The following PTBP3 variants were observed in gnomAD, a reference collection of about 807,000 sequenced individuals.
PTBP3 encodes polypyrimidine tract binding protein 3.
In PTBP3, 20 loss-of-function variants were observed where a neutral mutation model predicts 58.7. That is an observed-to-expected ratio of 0.34 (90% confidence interval 0.24 to 0.50). The LOEUF (loss-of-function observed/expected upper bound fraction) is 0.50. Ranked by LOEUF, PTBP3 falls within the 20% of genes least tolerant of loss-of-function variation. The pLI is 0.98. For missense variants in PTBP3, 509 were observed against 637.2 expected, an observed-to-expected ratio of 0.80 and a Z score of 2.17; for synonymous variants, 185 against 219.8, an observed-to-expected ratio of 0.84 and a Z score of 1.40.
chr9:112,329,348 G>A (rs1272978682), intron 1 of PTBP3, among the ~76,000 whole-genome samples: 1 of 152,236 alleles, frequency 6.6e-6, no homozygotes, highest in East Asian at 1.9e-4. Flanking sequence ...CTTTGAAGGT[G>A]GAGGTTGTAG....
intron 1 of PTBP3, among the ~76,000 whole-genome samples, chr9:112,312,772 A>G (rs1829544389): frequency 6.6e-6 from 1 of 152,186 alleles, no homozygotes; most frequent in Admixed American, 6.5e-5. Context: ...GGCCGGGCAC[A>G]GTGGCTCATG....
At chr9:112,251,964 C>T (rs754875612) in intron 6 of PTBP3, among the ~76,000 whole-genome samples, 6 of 152,054 alleles carry the variant, frequency 3.9e-5, no homozygotes, top group Non-Finnish European at 5.9e-5. Context: ...AGCCATAGTC[C>T]TCATCTTTGA....
At chr9:112,304,491 TATA>T in intron 1 of PTBP3, among the ~76,000 whole-genome samples, 1 of 152,358 alleles carries the variant, frequency 6.6e-6, no homozygotes, top group Middle Eastern at 3.4e-3. Context: ...TTTACAAAGT[TATA>T]ATATGAATCT....
chr9:112,293,746 A>T (rs1181273737), intron 2 of PTBP3, among the ~76,000 whole-genome samples: 1 of 152,228 alleles, frequency 6.6e-6, no homozygotes, highest in Non-Finnish European at 1.5e-5. Flanking sequence ...GAAAAAGTTC[A>T]GCTTCAACTG....
chr9:112,245,357 C>T (rs775959170), intron 7 of PTBP3, among the ~76,000 whole-genome samples: 5 of 151,548 alleles, frequency 3.3e-5, no homozygotes, highest in Admixed American at 6.6e-5. Flanking sequence ...TTTGCAATTC[C>T]GAAACCACTT....
intron 1 of PTBP3, among the ~76,000 whole-genome samples, chr9:112,301,695 T>C (rs1035086483): frequency 1.3e-5 from 2 of 152,140 alleles, no homozygotes; most frequent in African/African-American, 2.4e-5. Context: ...ATGGTAGTTA[T>C]GTGAATCTAC....
At chr9:112,338,592 G>GA (rs2132517272), upstream of PTBP3, among the ~76,000 whole-genome samples, 1 of 152,294 alleles carries the variant, frequency 6.6e-6, no homozygotes, top group South Asian at 2.1e-4. Context: ...AATGGCATGT[G>GA]AGTATAATTT....
At chr9:112,339,895 T>A in the PTBP3 span, among the ~76,000 whole-genome samples, 1 of 152,176 alleles carries the variant, frequency 6.6e-6, no homozygotes, top group Non-Finnish European at 1.5e-5. Context: ...ATGATATAAA[T>A]TTCTATCAGG....
chr9:112,286,019 G>A (rs1320781769), intron 2 of PTBP3, among the ~76,000 whole-genome samples: 4 of 152,142 alleles, frequency 2.6e-5, no homozygotes, highest in African/African-American at 9.7e-5. Flanking sequence ...TTTAGATTAT[G>A]TCTACTCAAT....
chr9:112,317,936 C>T (rs531472061), intron 1 of PTBP3, among the ~76,000 whole-genome samples: 2 of 152,140 alleles, frequency 1.3e-5, no homozygotes, highest in Non-Finnish European at 2.9e-5. Context: ...GAGCTAGACT[C>T]AAAAACAACA....
the PTBP3 span, among the ~76,000 whole-genome samples, chr9:112,366,222 GCA>G: frequency 6.6e-6 from 1 of 151,884 alleles, no homozygotes; most frequent in African/African-American, 2.4e-5. Flanking sequence ...AGCGGAGATT[GCA>G]GTGAGCCAAG....
In PTBP3 at chr9:112,321,919, A is replaced by G. The variant is rs545291198; in HGVS notation, c.-52+11551T>C. 7.9e-5 allele frequency among the ~76,000 whole-genome samples: 12 copies of G among 152,230 alleles called. No individual in the cohort carries two copies. In the East Asian group the frequency reaches 1.5e-3, roughly 20 times the overall value. On this transcript the variant is annotated intron_variant, in intron 1 of 13. Coordinates refer to ENST00000374257, the MANE Select transcript of PTBP3 (RefSeq NM_001163788.4). ...GGGAGGCCAAGGCGGGCGGATCACA[A>G]GGCCAGGAGATCAAGACCATCCTGG...
chr9:112,351,150 C>T, the PTBP3 span, among the ~76,000 whole-genome samples: 1 of 152,056 alleles, frequency 6.6e-6, no homozygotes, highest in Non-Finnish European at 1.5e-5. Flanking sequence ...TCATTTTTAC[C>T]TAGTATTATA....
At chr9:112,348,655 T>C in the PTBP3 span, among the ~76,000 whole-genome samples, 1 of 152,222 alleles carries the variant, frequency 6.6e-6, no homozygotes, top group Non-Finnish European at 1.5e-5. Context: ...ATCATACACC[T>C]GAATCTCTCA....
chr9:112,375,068 C>T, the PTBP3 span, among the ~76,000 whole-genome samples: 2 of 152,206 alleles, frequency 1.3e-5, no homozygotes, highest in African/African-American at 2.4e-5. Flanking sequence ...TTCACGGGTC[C>T]ACTGGATGAT....
chr9:112,258,837 C>G (rs1836476893), intron 5 of PTBP3, among the ~76,000 whole-genome samples: 1 of 152,146 alleles, frequency 6.6e-6, no homozygotes, highest in Non-Finnish European at 1.5e-5. Flanking sequence ...AAGACCCTAT[C>G]TCTAATTTTA....
At chr9:112,308,777 C>G (rs1458299833) in intron 1 of PTBP3, among the ~76,000 whole-genome samples, 2 of 151,710 alleles carry the variant, frequency 1.3e-5, no homozygotes, top group African/African-American at 4.8e-5. Flanking sequence ...TCTAAGGAGA[C>G]TGTCCTTAGA....
intron 7 of PTBP3, among the ~76,000 whole-genome samples, chr9:112,246,135 A>G (rs1182979798): frequency 1.3e-5 from 2 of 151,794 alleles, no homozygotes; most frequent in Non-Finnish European, 1.5e-5. Flanking sequence ...GTCACGTGCC[A>G]CCACGCCTAG....
intron 1 of PTBP3, among the ~76,000 whole-genome samples, chr9:112,309,136 T>C (rs567358375): frequency 6.6e-6 from 1 of 152,324 alleles, no homozygotes; most frequent in African/African-American, 2.4e-5. Flanking sequence ...TCTATCAAGA[T>C]ACTACATGAC....
Sources: gnomAD v4.1 joint callset for allele counts (sites outside exome capture counted in the v4.1 genomes callset) on GRCh38, gnomAD v4.1.1 for gene constraint, MANE v1.5 for transcripts, NCBI Gene and HGNC (gene_info 2026-07-23, HGNC 2026-07-21) for gene names.